MYO7B: variants seen among roughly 807,000 people sequenced by gnomAD.
MYO7B encodes myosin VIIB, also known as unconventional myosin-VIIb.
In MYO7B, 212 loss-of-function variants were observed where a neutral mutation model predicts 259.7. That is an observed-to-expected ratio of 0.82 (90% CI 0.73 to 0.91). The LOEUF (loss-of-function observed/expected upper bound fraction) is 0.91. Among genes scored for constraint, MYO7B ranks in the 40% least tolerant of loss-of-function variants. The pLI is 0.00. For missense variants in MYO7B, 2,732 were observed against 2,813.5 expected, an observed-to-expected ratio of 0.97 and a Z score of 0.66; for synonymous variants, 1,197 against 1,166.4, an observed-to-expected ratio of 1.03 and a Z score of -0.54.
rs764982885 is a variant in MYO7B at position 127,609,564 on chromosome 2, C to T, written c.2873C>T (p.Ala958Val). The T allele has an allele frequency of 1.1e-5, 18 of 1,613,794 alleles. No homozygotes were observed. Among genetic ancestry groups the T allele is most frequent in the Admixed American group, 3.3e-5 (2 of 59,974 alleles). ...GTTGACCTGGACACAGTCCCCATGG[C>T]GGAGGAGCCTGAGGAGGATGTGGAT... The part of the protein sequence containing the change: ...LEVDLDTVPM[A>V]EEPEEDVDGL... The change falls in exon 23 of 48, where the codon GCG (alanine) becomes GTG (valine). Residue 958 changes from alanine (A) to valine (V), a missense_variant. Transcript: ENST00000409816. The surrounding 1 kb of genome is among the most constrained non-coding windows in gnomAD (Gnocchi z 6.9).
chr2:127,549,039 T>C (rs539320697), intron 1 of MYO7B, among the ~76,000 whole-genome samples: 2 of 152,200 alleles, frequency 1.3e-5, no homozygotes, highest in Non-Finnish European at 2.9e-5. Context: ...CCCTTTATCA[T>C]TATGTAATAT....
chr2:127,608,661 T>C (rs765730493), intron 21 of MYO7B, 47 bp from the exon 22 acceptor site: 2 of 1,573,042 alleles, frequency 1.3e-6, no homozygotes, highest in African/African-American at 2.7e-5. Flanking sequence ...CTGGGCCCCC[T>C]GAGCCCTGCT....
At chr2:127,624,779 T>C (rs921600261) in intron 30 of MYO7B, among the ~76,000 whole-genome samples, 5 of 152,084 alleles carry the variant, frequency 3.3e-5, no homozygotes, top group Non-Finnish European at 7.4e-5. Flanking sequence ...GGAGCTCTTT[T>C]GTAGGGGATT....
chr2:127,580,932 TC>T, intron 10 of MYO7B, 110 bp downstream of exon 10: 3 of 1,114,032 alleles, frequency 2.7e-6, no homozygotes, highest in Non-Finnish European at 2.6e-6. Flanking sequence ...CCCACCCCTT[TC>T]CCAGGGCCTA....
Position 127,615,705 on chromosome 2 carries a change from G to T in MYO7B, c.3398+3102G>T, listed in dbSNP as rs1680543565. ...CATTCTGCTTTTATGAGAACAGTTT[G>T]CTGTTTGCTCATATAGCCTCCAGTG... On this transcript the variant is annotated intron_variant, in intron 26 of 47. Coordinates refer to ENST00000409816, the MANE Select transcript of MYO7B (RefSeq NM_001393586.1). The surrounding 1 kb of genome is among the most constrained non-coding windows in gnomAD (Gnocchi z 4.4). Among the ~76,000 whole-genome samples, 1 of 151,924 alleles carries T rather than the reference G, an allele frequency of 6.6e-6. No homozygotes were observed. Among genetic ancestry groups the T allele is most frequent in the Non-Finnish European group, 1.5e-5 (1 of 68,004 alleles).
At position 127,627,209 on chromosome 2, in the gene MYO7B, G is replaced by T. The variant is rs1257661154; in HGVS notation, c.4359G>T (p.Leu1453=). ...LSGPRLPKTQ[L]ILAVNWKGLC... ...GCCCCCGCCTGCCCAAGACGCAGCT[G>T]ATCTTGGCTGTTAACTGGAAGGGGC... is the stretch of plus-strand genomic sequence containing the variant. The change falls in exon 33 of 48, where the codon CTG becomes CTT. Residue 1453 remains leucine (L), a synonymous_variant. Transcript: ENST00000409816. This position sits in a 1 kb window ranked among gnomAD's most constrained non-coding sequence, Gnocchi z 5.6. 12 of 1,610,204 alleles carry T rather than the reference G, an allele frequency of 7.5e-6. No homozygotes were observed. The African/African-American group carries it at 1.6e-4, about 21-fold the overall frequency.
In MYO7B at chr2:127,600,458, C is replaced by T. The variant is rs906202682; in HGVS notation, c.2339+3902C>T. Among the ~76,000 whole-genome samples the T allele has an allele frequency of 3.9e-5, 6 of 152,288 alleles. No individual in the cohort carries two copies. The East Asian group carries it at 1.2e-3, about 29-fold the overall frequency. The stretch of plus-strand genomic sequence containing the variant: ...GGGCATGGTGGCTCACACCTGTAAT[C>T]CCAGCACTTTGGAGGCCGAGGCAGG... On this transcript the variant is annotated intron_variant, in intron 19 of 47. Transcript: ENST00000409816.
intron 6 of MYO7B, among the ~76,000 whole-genome samples, chr2:127,572,416 C>CAAA (rs34864324): frequency 0.38 from 30,199 of 78,720 alleles, 10,592 homozygotes; most frequent in East Asian, 0.55. Flanking sequence ...GAGACTGTCT[C>CAAA]AAAAAAAAAA....
intron 26 of MYO7B, among the ~76,000 whole-genome samples, chr2:127,618,362 CA>C (rs1389305530): frequency 4.6e-5 from 7 of 152,158 alleles, no homozygotes; most frequent in Admixed American, 1.3e-4. Flanking sequence ...AGACAGCCCC[CA>C]CCCCAAGCTT....
Position 127,543,981 on chromosome 2 carries a change from G to C in MYO7B, c.-24+8150G>C, listed in dbSNP as rs145484138. Among the ~76,000 whole-genome samples, 1,197 of 151,990 alleles carry C rather than the reference G, an allele frequency of 7.9e-3. 19 individuals are homozygous for C. Among genetic ancestry groups the C allele is most frequent in the African/African-American group, 0.027 (1,124 of 41,460 alleles). On this transcript the variant is annotated intron_variant, in intron 1 of 47. Coordinates refer to ENST00000409816, the MANE Select transcript of MYO7B (RefSeq NM_001393586.1). The stretch of plus-strand genomic sequence containing the variant: ...AGGATGGTCTGGATCTCCTGACCTC[G>C]TGATCTGCCTGCCTCTCCTGACCTC...
chr2:127,576,725 C>T lies in MYO7B; in HGVS notation c.849+17C>T. ...CTGACCATGGTGAGCTGCCCACCTGCCGCCTCCCAGTAGCCAGTGGAAGGG... is the reference window on the plus strand; with the variant it reads ...CTGACCATGGTGAGCTGCCCACCTGTCGCCTCCCAGTAGCCAGTGGAAGGG... On this transcript the variant is annotated intron_variant, in intron 8 of 47. Transcript: ENST00000409816. This position sits in a 1 kb window ranked among gnomAD's most constrained non-coding sequence, Gnocchi z 4.9. 6.6e-7 allele frequency: 1 copy of T among 1,524,418 alleles called. No individual in the cohort carries two copies. 94.4% of individuals were successfully genotyped at this position (1,524,418 alleles called of 1,614,324 possible).
At chr2:127,629,951 A>C (rs891058612) in intron 35 of MYO7B, 125 bp downstream of exon 35, 1 of 1,042,586 alleles carries the variant, frequency 9.6e-7, no homozygotes, top group South Asian at 2.7e-5. Context: ...CAGGAGGGCC[A>C]CCCGGGCAGC....
chr2:127,636,216 T>C lies in MYO7B; in HGVS notation c.6015T>C (p.Leu2005=). 6.2e-7 allele frequency: 1 copy of C among 1,612,626 alleles called. No individual in the cohort carries two copies. The highest frequency in any genetic ancestry group is 8.5e-7 in the Non-Finnish European group (1 of 1,179,178). ...MSSEEWKKSI[L]LAYDKHKDKT... ...GCCCTCCTGTCCCCCAGAGCATCCT[T>C]CTAGCCTATGACAAGCATAAGGACA... The change falls in exon 45 of 48, where the codon CTT becomes CTC. Residue 2005 remains leucine (L), a synonymous_variant. Transcript: ENST00000409816. The surrounding 1 kb of genome is among the most constrained non-coding windows in gnomAD (Gnocchi z 4.5).
rs1573724529 is a variant in MYO7B at position 127,631,478 on chromosome 2, C to G, written c.5095+115C>G. 3.9e-6 allele frequency: 6 copies of G among 1,539,950 alleles called. No homozygotes were observed. In the East Asian group the frequency reaches 1.4e-4, roughly 35 times the overall value. The stretch of plus-strand genomic sequence containing the variant: ...AGGAGAGCCCAGGAGATCTGAGAAA[C>G]CTGGAGTGGCGGGACAGAGCCCACA... On this transcript the variant is annotated intron_variant, in intron 37 of 47. Transcript: ENST00000409816.
intron 38 of MYO7B, among the ~76,000 whole-genome samples, 197 bp from the exon 39 acceptor site, chr2:127,632,046 CCCG>C (rs748548599): frequency 3.0e-4 from 45 of 152,360 alleles, no homozygotes; most frequent in Admixed American, 8.5e-4. Context: ...GCAATGCCCA[CCCG>C]CCCCCATCTT....
rs1428210801 is a variant in MYO7B, at chr2:127,633,341, A to C, written c.5489A>C (p.Tyr1830Ser). 21 of 1,612,804 alleles carry C rather than the reference A, an allele frequency of 1.3e-5. No individual in the cohort carries two copies. Among genetic ancestry groups the C allele is most frequent in the Non-Finnish European group, 1.6e-5 (19 of 1,179,746 alleles). The change falls in exon 40 of 48, where the codon TAC (tyrosine) becomes TCC (serine). Residue 1830 changes from tyrosine (Y) to serine (S), a missense_variant. Tyr to Ser is a moderately radical substitution (Grantham distance 144). Transcript: ENST00000409816. ...QNVSRICHKI[Y>S]FPNDTSEMLE... ...GTCTCCCGCATCTGCCACAAGATCT[A>C]CTTCCCCAATGACACCAGTGAGGTG...
intron 11 of MYO7B, 136 bp downstream of exon 11, chr2:127,582,146 C>A: frequency 6.8e-7 from 1 of 1,473,714 alleles, no homozygotes; most frequent in Non-Finnish European, 9.2e-7. Context: ...GCCTGGTGAC[C>A]ATGGACTCCT....
At chr2:127,631,827 T>G (rs868806017) in intron 38 of MYO7B, 74 bp downstream of exon 38, 43 of 1,549,286 alleles carry the variant, frequency 2.8e-5, no homozygotes, top group Non-Finnish European at 3.5e-5. Flanking sequence ...AGACCGAGGC[T>G]CAGAGAGGAC....
At chr2:127,617,457 A>G (rs1428248241) in intron 26 of MYO7B, among the ~76,000 whole-genome samples, 2 of 142,742 alleles carry the variant, frequency 1.4e-5, no homozygotes, top group African/African-American at 5.4e-5. Flanking sequence ...TAAAGCACTG[A>G]CCTTATGCTG....
Sources: gnomAD v4.1 joint callset for allele counts (sites outside exome capture counted in the v4.1 genomes callset) on GRCh38, gnomAD v4.1.1 for gene constraint, Gnocchi (gnomAD v3.1) non-coding constraint, MANE v1.5 for transcripts, NCBI Gene and HGNC (gene_info 2026-07-23, HGNC 2026-07-21) for gene names.